TTC6: variants seen among roughly 807,000 people sequenced by gnomAD.
The protein encoded by TTC6 is tetratricopeptide repeat domain 6.
TTC6 carries 172 observed loss-of-function variants against 210.4 expected under a neutral mutation model. The ratio of observed to expected loss-of-function variants is 0.82; its 90% CI spans 0.72 to 0.93. The LOEUF is 0.93. TTC6 is among the 40% of genes least tolerant of loss of function. TTC6 has a pLI of 0.00. For synonymous variants in TTC6, 804 were observed against 819.6 expected (o/e 0.98, Z 0.32); for missense variants, 2,414 against 2,318.1 (o/e 1.04, Z -0.85).
At chr14:37,714,964 G>A (rs1287585847) in intron 6 of TTC6, among the ~76,000 whole-genome samples, 168 bp downstream of exon 8, 1 of 152,114 alleles carries the variant, frequency 6.6e-6, no homozygotes, top group African/African-American at 2.4e-5. Context: ...GATTGCTTGA[G>A]CCCAGGAATT....
intron 5 of TTC6, among the ~76,000 whole-genome samples, chr14:37,707,143 G>T (rs1338569457): frequency 2.0e-5 from 3 of 151,652 alleles, no homozygotes; most frequent in African/African-American, 7.3e-5. Context: ...TCATTTATTT[G>T]CATGTAATAT....
intron 1 of TTC6, among the ~76,000 whole-genome samples, chr14:37,623,779 G>A (rs1471486629): frequency 1.3e-5 from 2 of 152,204 alleles, no homozygotes; most frequent in Admixed American, 1.3e-4. Context: ...ACAGCCCATT[G>A]ATTCACTATG....
rs561150721 is a variant in TTC6 at position 37,823,961 on chromosome 14, A to G, written c.4974+4A>G. On this transcript the variant is annotated splice_donor_region_variant and intron_variant, in intron 27 of 30. Transcript: ENST00000553443. Reference sequence around the variant, plus strand: ...TAGTTTTGGCTATAATTTGCAGGTAATATAGCAACATTTTGAGCATTAAAA... The same window carrying G: ...TAGTTTTGGCTATAATTTGCAGGTAGTATAGCAACATTTTGAGCATTAAAA... The G allele has an allele frequency of 9.9e-6, 16 of 1,612,344 alleles. No individual in the cohort carries two copies. In the Admixed American group the frequency reaches 2.3e-4, roughly 24 times the overall value.
exon 18 of TTC6, chr14:37,795,346 T>G: frequency 2.0e-6 from 3 of 1,522,658 alleles, no homozygotes; most frequent in Non-Finnish European, 2.6e-6. Flanking sequence ...CAATTATACA[T>G]AAGAAGGTAT....
chr14:37,622,628 C>T (rs1390703868), exon 1 of TTC6: 1 of 1,535,100 alleles, frequency 6.5e-7, no homozygotes, highest in East Asian at 2.4e-5. Context: ...GCGAACAGAG[C>T]CAGGAGGTAG....
intron 2 of TTC6, among the ~76,000 whole-genome samples, chr14:37,607,461 G>T (rs2095627173): frequency 6.6e-6 from 1 of 152,136 alleles, no homozygotes; most frequent in Non-Finnish European, 1.5e-5. Flanking sequence ...CCAACATTGT[G>T]CTAGATACTA....
intron 1 of TTC6, among the ~76,000 whole-genome samples, chr14:37,666,942 T>A (rs571437228): frequency 6.6e-6 from 1 of 150,478 alleles, no homozygotes; most frequent in Non-Finnish European, 1.5e-5. Context: ...TAAAAGTAAA[T>A]ATTATCCAGG....
At chr14:37,622,543 A>C (rs964300064) in exon 1 of TTC6, 7 of 1,534,958 alleles carry the variant, frequency 4.6e-6, no homozygotes, top group Non-Finnish European at 6.1e-6. Context: ...CCACCCGTGA[A>C]GCGCAGAGCG....
At chr14:37,675,109 G>C (rs551063857) in intron 1 of TTC6, among the ~76,000 whole-genome samples, 2 of 151,856 alleles carry the variant, frequency 1.3e-5, no homozygotes, top group East Asian at 3.9e-4. Flanking sequence ...CCATCTTACA[G>C]TACACAATTC....
chr14:37,781,724 T>C (rs894299065), intron 14 of TTC6, among the ~76,000 whole-genome samples: 1 of 152,222 alleles, frequency 6.6e-6, no homozygotes, highest in Non-Finnish European at 1.5e-5. Context: ...TGAATGGTAA[T>C]GCCTAGGTTT....
chr14:37,838,949 C>T (rs1224585431), intron 29 of TTC6, among the ~76,000 whole-genome samples: 3 of 152,172 alleles, frequency 2.0e-5, no homozygotes, highest in Non-Finnish European at 4.4e-5. Flanking sequence ...TGATGGTTTC[C>T]AGCTTCATCC....
chr14:37,773,462 A>G (rs186261094), intron 14 of TTC6, among the ~76,000 whole-genome samples: 3 of 152,092 alleles, frequency 2.0e-5, no homozygotes, highest in East Asian at 1.9e-4. Flanking sequence ...AGGGGTTTCA[A>G]TCTTCTGCAT....
chr14:37,824,746 G>A (rs908367552), intron 27 of TTC6, among the ~76,000 whole-genome samples: 20 of 152,064 alleles, frequency 1.3e-4, no homozygotes, highest in East Asian at 5.8e-4. Context: ...AAAGTTTTTT[G>A]AGAAATTAAC....
intron 3 of TTC6, among the ~76,000 whole-genome samples, chr14:37,692,162 T>C (rs1356738435): frequency 7.8e-6 from 1 of 127,754 alleles, no homozygotes; most frequent in Non-Finnish European, 1.5e-5. Flanking sequence ...AAACTCATTC[T>C]ATGAGGCAGG....
intron 14 of TTC6, among the ~76,000 whole-genome samples, chr14:37,755,868 A>G (rs932461025): frequency 6.6e-6 from 1 of 152,210 alleles, no homozygotes; most frequent in Non-Finnish European, 1.5e-5. Flanking sequence ...ACTTTAAAAT[A>G]GTTGTTTCTA....
At chr14:37,671,494 C>T (rs1428565623) in intron 1 of TTC6, among the ~76,000 whole-genome samples, 2 of 152,016 alleles carry the variant, frequency 1.3e-5, no homozygotes, top group Non-Finnish European at 2.9e-5. Flanking sequence ...TGTTGAACAT[C>T]AGGATAGGTG....
At chr14:37,742,668 T>C in intron 10 of TTC6, among the ~76,000 whole-genome samples, 1 of 151,938 alleles carries the variant, frequency 6.6e-6, no homozygotes, top group Non-Finnish European at 1.5e-5. Flanking sequence ...TCCACCCACC[T>C]TGGGCTCCCA....
chr14:37,624,968 G>C (rs925347680), intron 1 of TTC6, among the ~76,000 whole-genome samples: 1 of 152,024 alleles, frequency 6.6e-6, no homozygotes, highest in Non-Finnish European at 1.5e-5. Flanking sequence ...ATTGTTTTAT[G>C]TCGGAGAGTG....
At chr14:37,826,172 G>T (rs752926545) in intron 27 of TTC6, 23 bp from the exon 30 acceptor site, 3 of 1,576,556 alleles carry the variant, frequency 1.9e-6, no homozygotes, top group Non-Finnish European at 2.6e-6. Flanking sequence ...TTCCTACTTC[G>T]TGTAATTGGA....
Sources: allele counts gnomAD v4.1 joint callset (sites outside exome capture counted in the v4.1 genomes callset), GRCh38; gene constraint gnomAD v4.1.1; transcripts MANE v1.5; gene names NCBI Gene and HGNC (gene_info 2026-07-23, HGNC 2026-07-21).